Variants in DYM observed in about 807,000 individuals in gnomAD.
DYM encodes the protein dyggve-Melchior-Clausen syndrome protein.
DYM carries 78 observed loss-of-function variants against 93.1 expected under a neutral mutation model. The observed-to-expected ratio is 0.84, with a 90% CI of 0.70 to 1.01. The LOEUF (loss-of-function observed/expected upper bound fraction) is 1.01, where lower values mean the gene tolerates loss of function less well. Among genes scored for constraint, DYM ranks in the 50% least tolerant of loss-of-function variants. The pLI is 0.00. For missense variants in DYM, 789 were observed against 845.0 expected, an observed-to-expected ratio of 0.93 and a Z score of 0.82; for synonymous variants, 321 against 319.7, an observed-to-expected ratio of 1.00 and a Z score of -0.04.
intron 8 of DYM, chr18:49,329,547 T>C (rs1038096747): frequency 4.6e-5 from 7 of 151,932 alleles, no homozygotes; most frequent in Non-Finnish European, 8.8e-5. Flanking sequence ...TAAAAGTAAA[T>C]GAGAAGAAAC....
intron 17 of DYM, among the ~76,000 whole-genome samples, chr18:49,053,680 C>T (rs1599381898): frequency 1.3e-5 from 2 of 152,122 alleles, no homozygotes; most frequent in Admixed American, 6.5e-5. Context: ...TAGCAGAGGA[C>T]GCATTTACAT....
At chr18:49,151,817 G>T (rs976597873) in intron 15 of DYM, among the ~76,000 whole-genome samples, 1 of 152,040 alleles carries the variant, frequency 6.6e-6, no homozygotes, top group African/African-American at 2.4e-5. Context: ...ACTATGAACA[G>T]GCAGAAGGGG....
chr18:49,097,719 A>C (rs1366936069), intron 16 of DYM, among the ~76,000 whole-genome samples: 1 of 152,148 alleles, frequency 6.6e-6, no homozygotes, highest in Admixed American at 6.5e-5. Context: ...TCCAGGGCTG[A>C]TTATTCATTC....
chr18:49,379,844 T>G, intron 3 of DYM, 86 bp from the exon 4 acceptor site: 1 of 1,149,510 alleles, frequency 8.7e-7, no homozygotes, highest in Non-Finnish European at 1.3e-6. Flanking sequence ...AAACCAAATG[T>G]CATATTAAAA....
intron 8 of DYM, among the ~76,000 whole-genome samples, chr18:49,297,996 G>A (rs2060666556): frequency 6.6e-6 from 1 of 152,124 alleles, no homozygotes; most frequent in Non-Finnish European, 1.5e-5. Flanking sequence ...AGCCAATCAT[G>A]TTATAATGCT....
At position 49,249,838 on chromosome 18, in the gene DYM, A is replaced by G. The variant is rs370352025; in HGVS notation, c.1460+7172T>C. ...GATGGCTGTGAGAAAAAGTGAAAGC[A>G]TAAGTCATGGATTTGAGAATTTTAA... On this transcript the variant is annotated intron_variant, in intron 13 of 17. Transcript: ENST00000675505. Among the ~76,000 whole-genome samples the G allele has an allele frequency of 3.1e-4, 47 of 152,380 alleles. No individual in the cohort carries two copies. In the South Asian group the frequency reaches 4.1e-3, roughly 13 times the overall value.
intron 14 of DYM, among the ~76,000 whole-genome samples, chr18:49,180,798 A>G (rs889140047): frequency 2.0e-5 from 3 of 152,140 alleles, no homozygotes; most frequent in African/African-American, 7.2e-5. Flanking sequence ...ATACTTGGTG[A>G]TAATGATGGT....
At chr18:49,328,003 G>A (rs902189124) in intron 8 of DYM, among the ~76,000 whole-genome samples, 1 of 152,168 alleles carries the variant, frequency 6.6e-6, no homozygotes, top group African/African-American at 2.4e-5. Context: ...CTGATGAACT[G>A]AGCTTAAATT....
intron 8 of DYM, among the ~76,000 whole-genome samples, chr18:49,292,007 G>C (rs1197947015): frequency 1.5e-4 from 23 of 152,080 alleles, no homozygotes; most frequent in Admixed American, 1.5e-3. Context: ...AGAGCAATGA[G>C]AAACACAATT....
chr18:49,325,870 C>A (rs2062840425), intron 8 of DYM, among the ~76,000 whole-genome samples: 1 of 152,062 alleles, frequency 6.6e-6, no homozygotes, highest in Non-Finnish European at 1.5e-5. Flanking sequence ...AGAACAGAAA[C>A]CAAGGGAATA....
At chr18:49,258,983 A>AC (rs1344399474) in intron 11 of DYM, among the ~76,000 whole-genome samples, 2 of 149,870 alleles carry the variant, frequency 1.3e-5, no homozygotes, top group Non-Finnish European at 3.0e-5. Context: ...GGAAAAAACA[A>AC]AAAAAAAAAC....
At chr18:49,392,331 A>G (rs1432563305) in intron 2 of DYM, among the ~76,000 whole-genome samples, 1 of 152,132 alleles carries the variant, frequency 6.6e-6, no homozygotes, top group African/African-American at 2.4e-5. Flanking sequence ...GTATCAACAG[A>G]AAAAAACAGA....
At chr18:49,130,548 C>T (rs1232896834) in intron 15 of DYM, among the ~76,000 whole-genome samples, 2 of 138,088 alleles carry the variant, frequency 1.4e-5, no homozygotes, top group African/African-American at 5.4e-5. Context: ...GTCAGGAAGC[C>T]CCTTTCTCCT....
At chr18:49,240,234 C>A (rs1275427454) in intron 13 of DYM, among the ~76,000 whole-genome samples, 3 of 152,148 alleles carry the variant, frequency 2.0e-5, no homozygotes, top group Non-Finnish European at 4.4e-5. Context: ...CCTATCTCAT[C>A]CTGAAAGGGC....
At chr18:49,244,713 G>A (rs1438716074) in intron 13 of DYM, among the ~76,000 whole-genome samples, 1 of 151,936 alleles carries the variant, frequency 6.6e-6, no homozygotes, top group Non-Finnish European at 1.5e-5. Flanking sequence ...AGAAGAAGAA[G>A]AAAAAAACCC....
chr18:49,242,747 T>C (rs895838947), intron 13 of DYM, among the ~76,000 whole-genome samples: 3 of 152,220 alleles, frequency 2.0e-5, no homozygotes, highest in Non-Finnish European at 4.4e-5. Flanking sequence ...TTGCTCAGGC[T>C]GGAGTGCAGT....
At chr18:49,389,482 T>C (rs1038840876) in intron 3 of DYM, among the ~76,000 whole-genome samples, 26 of 152,224 alleles carry the variant, frequency 1.7e-4, no homozygotes, top group South Asian at 2.1e-4. Flanking sequence ...TTATGTATAA[T>C]GAGTAAATAT....
chr18:49,180,181 T>C (rs1401940546), intron 14 of DYM, among the ~76,000 whole-genome samples: 1 of 152,124 alleles, frequency 6.6e-6, no homozygotes, highest in African/African-American at 2.4e-5. Context: ...AGCTAGAATA[T>C]ACAAGTCTAT....
chr18:49,450,487 A>G (rs534667580), intron 1 of DYM, among the ~76,000 whole-genome samples: 1 of 152,308 alleles, frequency 6.6e-6, no homozygotes, highest in South Asian at 2.1e-4. Context: ...TTGGAATTCT[A>G]TTTCATAACA....
Sources: gnomAD v4.1 joint callset for allele counts (sites outside exome capture counted in the v4.1 genomes callset) on GRCh38, gnomAD v4.1.1 for gene constraint, MANE v1.5 for transcripts, NCBI Gene and HGNC (gene_info 2026-07-23, HGNC 2026-07-21) for gene names.